Variants in CAPZB observed in about 807,000 individuals in gnomAD.
CAPZB encodes the protein F-actin-capping protein subunit beta.
In CAPZB, 2 loss-of-function variants were observed where a neutral mutation model predicts 38.1. That is an observed-to-expected ratio of 0.05 (90% CI 0.02 to 0.17). CAPZB has a LOEUF of 0.17. Among genes scored for constraint, CAPZB ranks in the 10% least tolerant of loss-of-function variants. The pLI is 1.00. For missense variants in CAPZB, 161 were observed against 334.2 expected (o/e 0.48, Z 4.04); for synonymous variants, 107 against 127.4 (o/e 0.84, Z 1.08).
At chr1:19,471,764 G>C (rs2100780086) in intron 1 of CAPZB, among the ~76,000 whole-genome samples, 1 of 152,180 alleles carries the variant, frequency 6.6e-6, no homozygotes. Flanking sequence ...CTACTCGGGA[G>C]GCTGAGACAG....
At chr1:19,426,295 G>C (rs1286581741) in intron 1 of CAPZB, among the ~76,000 whole-genome samples, 1 of 152,164 alleles carries the variant, frequency 6.6e-6, no homozygotes, top group Non-Finnish European at 1.5e-5. Context: ...GGAGCCCCTA[G>C]AGATTTTTCC....
chr1:19,485,416 G>C lies in CAPZB; in HGVS notation c.3+20C>G. 1 of 1,228,878 alleles carries C rather than the reference G, an allele frequency of 8.1e-7. No individual in the cohort carries two copies. The highest frequency in any genetic ancestry group is 1.0e-6 in the Non-Finnish European group (1 of 985,878). 76.1% of individuals were successfully genotyped at this position (1,228,878 alleles called of 1,614,324 possible). A position where few individuals can be genotyped will look rare whatever the true frequency, so the allele number is the denominator to read the frequency against. On this transcript the variant is annotated intron_variant, in intron 1 of 8. Transcript: ENST00000264202. ...TCCGGAGGGGCCCCCGGGCCGGGGA[G>C]GGGGCCGTGCGGCCTTTACCATGGT... is the stretch of plus-strand genomic sequence containing the variant.
intron 1 of CAPZB, among the ~76,000 whole-genome samples, chr1:19,452,502 A>G (rs2094519747): frequency 6.6e-6 from 1 of 152,212 alleles, no homozygotes; most frequent in South Asian, 2.1e-4. Context: ...GCAGGGTCTG[A>G]GTTGTGGGCT....
intron 4 of CAPZB, among the ~76,000 whole-genome samples, chr1:19,361,112 G>A (rs1359413505): frequency 6.6e-6 from 1 of 152,156 alleles, no homozygotes; most frequent in Non-Finnish European, 1.5e-5. Context: ...GGAGCCGCAT[G>A]ATCTCCATAA....
At chr1:19,429,326 G>A (rs184430174) in intron 1 of CAPZB, among the ~76,000 whole-genome samples, 76 of 152,008 alleles carry the variant, frequency 5.0e-4, no homozygotes, top group Admixed American at 3.5e-3. Context: ...AAATCAGGTT[G>A]ATAACTTGGG....
intron 4 of CAPZB, among the ~76,000 whole-genome samples, chr1:19,370,241 T>A (rs1008466415): frequency 2.0e-5 from 3 of 152,210 alleles, no homozygotes; most frequent in Admixed American, 1.3e-4. Flanking sequence ...ACTGTCCTTG[T>A]CCTCTCCCAT....
chr1:19,485,471 C>A lies in CAPZB; in HGVS notation c.-33G>T, dbSNP rs2094648403. On this transcript the variant is annotated 5_prime_UTR_variant, in exon 1 of 9. Coordinates refer to ENST00000264202, the MANE Select transcript of CAPZB (RefSeq NM_004930.5). ...GCGGCGGCGGCGGTCCCGGTCCCGG[C>A]GTCAGTGGCTCTCCCCCCCGCAGCA... 4.1e-6 allele frequency: 5 copies of A among 1,229,834 alleles called. No homozygotes were observed. The highest frequency in any genetic ancestry group is 6.3e-5 in the East Asian group (2 of 31,574). The allele number at this position is 1,229,834 out of a possible 1,614,324, so 76.2% of individuals were successfully genotyped here.
intron 6 of CAPZB, among the ~76,000 whole-genome samples, chr1:19,345,850 C>T (rs1033818234): frequency 6.6e-6 from 1 of 152,242 alleles, no homozygotes; most frequent in Non-Finnish European, 1.5e-5. Flanking sequence ...CCCTTCCTCG[C>T]ACCAGGGCCT....
intron 1 of CAPZB, among the ~76,000 whole-genome samples, chr1:19,466,240 C>A (rs969414351): frequency 8.5e-5 from 13 of 152,208 alleles, no homozygotes; most frequent in Non-Finnish European, 1.8e-4. Context: ...TTCACTCCCA[C>A]ACTGGGGAGG....
intron 1 of CAPZB, among the ~76,000 whole-genome samples, chr1:19,474,797 C>T (rs2094601334): frequency 6.6e-6 from 1 of 152,190 alleles, no homozygotes; most frequent in South Asian, 2.1e-4. Flanking sequence ...GCCTCAAAGG[C>T]TCTGGGTACC....
chr1:19,469,865 G>A (rs1411981972), intron 1 of CAPZB, among the ~76,000 whole-genome samples: 2 of 151,840 alleles, frequency 1.3e-5, no homozygotes, highest in Non-Finnish European at 2.9e-5. Context: ...AAGCACCCAG[G>A]TCGGGGGGTA....
At chr1:19,415,378 A>G (rs759011026) in intron 2 of CAPZB, among the ~76,000 whole-genome samples, 2 of 152,246 alleles carry the variant, frequency 1.3e-5, no homozygotes, top group Non-Finnish European at 2.9e-5. Flanking sequence ...AGACAGGTGC[A>G]TAATAGTGTG....
chr1:19,423,830 C>A (rs1009982590), intron 1 of CAPZB, among the ~76,000 whole-genome samples: 1 of 152,150 alleles, frequency 6.6e-6, no homozygotes, highest in Non-Finnish European at 1.5e-5. Flanking sequence ...TGGGGGGCCA[C>A]CATGCCTGGC....
chr1:19,416,668 T>C (rs1027742264), intron 2 of CAPZB, among the ~76,000 whole-genome samples: 37 of 151,752 alleles, frequency 2.4e-4, no homozygotes, highest in African/African-American at 8.2e-4. Flanking sequence ...CTGGGCAACA[T>C]AGGGAGAACC....
chr1:19,356,747 T>C lies in CAPZB; in HGVS notation c.476A>G (p.Lys159Arg), dbSNP rs745616037. Reference sequence around the variant, plus strand: ...GTAATGGGCGGTGCGACCGCTGGATTTCTCCTGGAAGGACAAGACAGAGAT... The same window carrying C: ...GTAATGGGCGGTGCGACCGCTGGATCTCTCCTGGAAGGACAAGACAGAGAT... Reference protein sequence around the residue: ...DSIHVVEVQEKSSGRTAHYKL... With the variant: ...DSIHVVEVQERSSGRTAHYKL... Residue 159 changes from lysine (K) to arginine (R), a missense_variant, in exon 6 of 9, where the codon AAA (lysine) becomes AGA (arginine). Lys to Arg is a conservative substitution (Grantham distance 26). Coordinates refer to ENST00000264202, the MANE Select transcript of CAPZB (RefSeq NM_004930.5). This position sits in a 1 kb window ranked among gnomAD's most constrained non-coding sequence, Gnocchi z 4.3. 1 of 1,611,298 alleles carries C rather than the reference T, an allele frequency of 6.2e-7. No individual in the cohort carries two copies. The highest frequency in any genetic ancestry group is 8.5e-7 in the Non-Finnish European group (1 of 1,177,568).
At chr1:19,444,116 C>G (rs1203243866) in intron 1 of CAPZB, among the ~76,000 whole-genome samples, 1 of 152,140 alleles carries the variant, frequency 6.6e-6, no homozygotes, top group Non-Finnish European at 1.5e-5. Context: ...AGAGATAATG[C>G]CACTGCACTC....
At chr1:19,438,618 C>T (rs762839137) in intron 1 of CAPZB, among the ~76,000 whole-genome samples, 2 of 152,220 alleles carry the variant, frequency 1.3e-5, no homozygotes, top group African/African-American at 2.4e-5. Context: ...AGAAAGGCCA[C>T]GAAGACCATC....
At chr1:19,406,088 G>A (rs957996512) in intron 2 of CAPZB, among the ~76,000 whole-genome samples, 2 of 152,128 alleles carry the variant, frequency 1.3e-5, no homozygotes, top group South Asian at 2.1e-4. Context: ...TTGTGAGCTC[G>A]ACAGGCCCAG....
chr1:19,438,534 G>T (rs775081615), intron 1 of CAPZB, among the ~76,000 whole-genome samples: 1 of 152,176 alleles, frequency 6.6e-6, no homozygotes, highest in Non-Finnish European at 1.5e-5. Flanking sequence ...AAGTGTCTTA[G>T]TGCCGAGGAG....
Sources: allele counts gnomAD v4.1 joint callset (sites outside exome capture counted in the v4.1 genomes callset), GRCh38; gene constraint gnomAD v4.1.1; non-coding constraint Gnocchi (gnomAD v3.1); transcripts MANE v1.5; gene names NCBI Gene and HGNC (gene_info 2026-07-23, HGNC 2026-07-21).